Variants in RALGPS2 observed in about 807,000 individuals in gnomAD.
RALGPS2 encodes the protein ras-specific guanine nucleotide-releasing factor RalGPS2.
RALGPS2 carries 43 observed loss-of-function variants against 86.8 expected under a neutral mutation model. That is an observed-to-expected ratio of 0.50 (90% CI 0.39 to 0.64). The LOEUF (loss-of-function observed/expected upper bound fraction) is 0.64. RALGPS2 is among the 30% of genes least tolerant of loss of function. The pLI, the probability that RALGPS2 is intolerant of heterozygous loss-of-function variation, is 0.00. For missense variants in RALGPS2, 536 were observed against 694.6 expected (o/e 0.77, Z 2.57); for synonymous variants, 243 against 231.3 (o/e 1.05, Z -0.46).
chr1:178,852,774 C>A (rs1363680465), intron 8 of RALGPS2: 2 of 1,613,784 alleles, frequency 1.2e-6, no homozygotes, highest in Non-Finnish European at 1.7e-6. Flanking sequence ...GGTAAGTTCC[C>A]AGGCGCAGTC....
chr1:178,821,174 C>T (rs116278174), intron 6 of RALGPS2, among the ~76,000 whole-genome samples: 1 of 152,168 alleles, frequency 6.6e-6, no homozygotes, highest in African/African-American at 2.4e-5. Flanking sequence ...TCTCCCTTGC[C>T]CTGGAATAAT....
chr1:178,801,641 GCTTTGTCA>G (rs1654484991), intron 4 of RALGPS2, among the ~76,000 whole-genome samples: 2 of 152,154 alleles, frequency 1.3e-5, no homozygotes, highest in African/African-American at 4.8e-5. Flanking sequence ...TGGAAAAAAT[GCTTTGTCA>G]CTTGAGGAAA....
chr1:178,763,442 C>A (rs575857729), intron 1 of RALGPS2, among the ~76,000 whole-genome samples: 1 of 152,290 alleles, frequency 6.6e-6, no homozygotes, highest in East Asian at 1.9e-4. Context: ...GGCAGCATGG[C>A]CATTGGCCAA....
intron 19 of RALGPS2, among the ~76,000 whole-genome samples, chr1:178,912,102 T>C (rs1660652085): frequency 6.6e-6 from 1 of 152,234 alleles, no homozygotes; most frequent in South Asian, 2.1e-4. Flanking sequence ...TTGTTACATG[T>C]GAGATGGTTC....
rs1660897114 is a variant in RALGPS2, at chr1:178,918,959, T to C, written c.*2600T>C. 6.6e-6 allele frequency: 1 copy of C among 152,108 alleles called. No homozygotes were observed. Among genetic ancestry groups the C allele is most frequent in the African/African-American group, 2.4e-5 (1 of 41,458 alleles). 9.4% of individuals were successfully genotyped at this position (152,108 alleles called of 1,614,324 possible). A position where few individuals can be genotyped will look rare whatever the true frequency, so the allele number is the denominator to read the frequency against. On this transcript the variant is annotated 3_prime_UTR_variant, in exon 20 of 20. Transcript: ENST00000367635. ...AAATGTTCATCAGCATTCAGGTCAT[T>C]TGTTTCACCCTTAGCCAAGAAGAAC...
chr1:178,790,385 G>A (rs1186787682), intron 4 of RALGPS2, among the ~76,000 whole-genome samples: 1 of 152,142 alleles, frequency 6.6e-6, no homozygotes, highest in African/African-American at 2.4e-5. Context: ...ATATAACAAA[G>A]CATAGTAAAT....
chr1:178,902,768 G>A (rs751019235), intron 18 of RALGPS2, among the ~76,000 whole-genome samples: 13 of 152,026 alleles, frequency 8.6e-5, no homozygotes, highest in East Asian at 3.8e-4. Context: ...TTATTTAGAT[G>A]TATTTTATTC....
chr1:178,739,461 G>A (rs922237398), intron 1 of RALGPS2, among the ~76,000 whole-genome samples: 3 of 152,142 alleles, frequency 2.0e-5, no homozygotes, highest in African/African-American at 7.2e-5. Flanking sequence ...TGGTCCTTAA[G>A]GAATGTGTTT....
chr1:178,735,072 G>A (rs1650594581), intron 1 of RALGPS2, among the ~76,000 whole-genome samples: 1 of 152,030 alleles, frequency 6.6e-6, no homozygotes, highest in African/African-American at 2.4e-5. Context: ...ACTTCCAGCT[G>A]GAAACAACCC....
intron 7 of RALGPS2, among the ~76,000 whole-genome samples, chr1:178,828,790 T>C (rs868811984): frequency 1.3e-5 from 2 of 152,106 alleles, no homozygotes; most frequent in South Asian, 2.1e-4. Flanking sequence ...TTGGTAAAGA[T>C]GTGGAGAAAA....
chr1:178,794,185 C>G (rs150431532), intron 4 of RALGPS2, among the ~76,000 whole-genome samples: 2 of 152,182 alleles, frequency 1.3e-5, no homozygotes. Flanking sequence ...GATGTGATCT[C>G]GGTTCACTGC....
At chr1:178,730,251 A>G (rs1461976598) in intron 1 of RALGPS2, among the ~76,000 whole-genome samples, 1 of 151,882 alleles carries the variant, frequency 6.6e-6, no homozygotes, top group Non-Finnish European at 1.5e-5. Context: ...CCTGTTTTTC[A>G]GTTTTCCTGT....
intron 19 of RALGPS2, among the ~76,000 whole-genome samples, chr1:178,913,799 G>A (rs894421222): frequency 1.3e-5 from 2 of 152,174 alleles, no homozygotes; most frequent in Non-Finnish European, 2.9e-5. Flanking sequence ...AAGGGGCTGG[G>A]ACTGGGCCCC....
intron 19 of RALGPS2, among the ~76,000 whole-genome samples, chr1:178,915,236 T>C (rs1450811753): frequency 1.3e-5 from 2 of 152,184 alleles, no homozygotes; most frequent in African/African-American, 4.8e-5. Context: ...AATACAAGTT[T>C]CTTTTTTTTT....
At position 178,895,725 on chromosome 1, in the gene RALGPS2, C is replaced by A. The variant is rs1342569006; in HGVS notation, c.1431+1701C>A. Among the ~76,000 whole-genome samples, 3 of 151,878 alleles carry A rather than the reference C, an allele frequency of 2.0e-5. No homozygotes were observed. In the East Asian group the frequency reaches 5.8e-4, roughly 29 times the overall value. The stretch of plus-strand genomic sequence containing the variant: ...AGAGAAAGAGTGAAAACAAAGATAA[C>A]TTCTAGGTTTGGGGACTGAGATGGG... On this transcript the variant is annotated intron_variant, in intron 16 of 19. Coordinates refer to ENST00000367635, the MANE Select transcript of RALGPS2 (RefSeq NM_152663.5).
At chr1:178,779,426 A>T (rs77027548) in intron 2 of RALGPS2, among the ~76,000 whole-genome samples, 4,599 of 152,258 alleles carry the variant, frequency 0.03, 226 homozygotes, top group African/African-American at 0.1. Flanking sequence ...AAGTTCCTTA[A>T]TAGCCCCAAC....
intron 8 of RALGPS2, among the ~76,000 whole-genome samples, chr1:178,845,603 T>G (rs1392127965): frequency 6.6e-6 from 1 of 152,230 alleles, no homozygotes; most frequent in African/African-American, 2.4e-5. Flanking sequence ...TTTCAGTGAT[T>G]TTGATTTAAT....
At chr1:178,898,820 G>A (rs1025175787) in intron 17 of RALGPS2, among the ~76,000 whole-genome samples, 7 of 151,824 alleles carry the variant, frequency 4.6e-5, no homozygotes, top group South Asian at 4.2e-4. Context: ...AGATTTCTTC[G>A]GTGAATATTT....
intron 1 of RALGPS2, among the ~76,000 whole-genome samples, chr1:178,754,010 G>T (rs1452532040): frequency 6.6e-6 from 1 of 151,892 alleles, no homozygotes; most frequent in East Asian, 1.9e-4. Flanking sequence ...TTTTAATAGA[G>T]ACGGGGTTTC....
Sources: gnomAD v4.1 joint callset for allele counts (sites outside exome capture counted in the v4.1 genomes callset) on GRCh38, gnomAD v4.1.1 for gene constraint, MANE v1.5 for transcripts, NCBI Gene and HGNC (gene_info 2026-07-23, HGNC 2026-07-21) for gene names.